Variants in NPAS3 observed in about 807,000 individuals in gnomAD.
NPAS3 encodes the protein neuronal PAS domain-containing protein 3.
Under a neutral mutation model 73.1 loss-of-function variants are expected in NPAS3, and 14 were observed. The ratio of observed to expected loss-of-function variants is 0.19; its 90% CI spans 0.13 to 0.30. NPAS3 has a LOEUF of 0.30. Ranked by LOEUF, NPAS3 falls within the 10% of genes least tolerant of loss-of-function variation. NPAS3 has a pLI of 1.00. For synonymous variants in NPAS3, 620 were observed against 541.5 expected, an observed-to-expected ratio of 1.14 and a Z score of -2.01; for missense variants, 1,096 against 1,250.0, an observed-to-expected ratio of 0.88 and a Z score of 1.86.
At chr14:33,177,902 A>G (rs1319745269) in intron 2 of NPAS3, among the ~76,000 whole-genome samples, 1 of 152,116 alleles carries the variant, frequency 6.6e-6, no homozygotes, top group Non-Finnish European at 1.5e-5. Flanking sequence ...TGATGATTGT[A>G]CCTTTGGTGT....
chr14:33,648,731 A>AGTGGTCGTTT (rs2058906149), intron 5 of NPAS3, among the ~76,000 whole-genome samples: 1 of 152,180 alleles, frequency 6.6e-6, no homozygotes, highest in Non-Finnish European at 1.5e-5. Flanking sequence ...TGGGTATGGG[A>AGTGGTCGTTT]AGACAGCCTG....
intron 2 of NPAS3, among the ~76,000 whole-genome samples, chr14:33,132,410 G>A (rs558995804): frequency 6.6e-6 from 1 of 152,248 alleles, no homozygotes; most frequent in South Asian, 2.1e-4. Context: ...CTTGTAGGAA[G>A]AGACTAGAAG....
At chr14:33,569,976 A>T (rs1431308338) in intron 5 of NPAS3, among the ~76,000 whole-genome samples, 2 of 152,166 alleles carry the variant, frequency 1.3e-5, no homozygotes, top group Non-Finnish European at 2.9e-5. Flanking sequence ...AAGGCTAAAA[A>T]CCTGCCAGAT....
intron 4 of NPAS3, among the ~76,000 whole-genome samples, chr14:33,430,692 C>G (rs1230686665): frequency 6.6e-6 from 1 of 152,186 alleles, no homozygotes; most frequent in East Asian, 1.9e-4. Context: ...CGTGAGTGCC[C>G]AGGGAAGGTT....
At chr14:33,106,866 C>G (rs193154120) in intron 2 of NPAS3, among the ~76,000 whole-genome samples, 5 of 152,212 alleles carry the variant, frequency 3.3e-5, no homozygotes, top group Middle Eastern at 6.8e-3. Flanking sequence ...ATGGATTTCT[C>G]CCTTAACACT....
chr14:33,077,998 G>A (rs1386602370), intron 2 of NPAS3, among the ~76,000 whole-genome samples: 2 of 151,688 alleles, frequency 1.3e-5, no homozygotes, highest in African/African-American at 4.8e-5. Context: ...AATTAGTTGG[G>A]CGTGGTGGCG....
At chr14:33,435,648 A>G (rs993363893) in intron 4 of NPAS3, among the ~76,000 whole-genome samples, 5 of 152,224 alleles carry the variant, frequency 3.3e-5, no homozygotes, top group Non-Finnish European at 5.9e-5. Flanking sequence ...TCCAAGTTCT[A>G]GGCAATGGCT....
chr14:33,569,287 G>T (rs1320874605), intron 5 of NPAS3, among the ~76,000 whole-genome samples: 2 of 152,130 alleles, frequency 1.3e-5, no homozygotes, highest in African/African-American at 4.8e-5. Flanking sequence ...AACTTTTTGA[G>T]AGCAAGAGAA....
chr14:33,298,457 T>C (rs148894294), intron 3 of NPAS3, among the ~76,000 whole-genome samples: 5 of 152,318 alleles, frequency 3.3e-5, no homozygotes, highest in African/African-American at 9.6e-5. Context: ...CTTTAGAGAC[T>C]CCTCTTTGTG....
rs147089711 is a variant in NPAS3 at position 33,732,866 on chromosome 14, G to A, written c.734-2348G>A. Among the ~76,000 whole-genome samples the A allele has an allele frequency of 4.7e-4, 71 of 152,296 alleles. 1 individual carries two copies. In the East Asian group the frequency reaches 5.0e-3, roughly 11 times the overall value. On this transcript the variant is annotated intron_variant, in intron 6 of 11. Coordinates refer to ENST00000356141, the Ensembl canonical transcript of NPAS3. ...TGCCGTGATTGGCTCCACAGCTCAC[G>A]TGAAGCTTGTGTCTTCACCCAGCTG...
chr14:33,731,893 CT>C (rs1437668394), intron 6 of NPAS3, among the ~76,000 whole-genome samples: 1 of 151,034 alleles, frequency 6.6e-6, no homozygotes, highest in African/African-American at 2.4e-5. Flanking sequence ...AGGTCTTGTT[CT>C]TTTTTTCAGC....
intron 5 of NPAS3, among the ~76,000 whole-genome samples, chr14:33,564,364 C>T (rs563519271): frequency 3.9e-5 from 6 of 152,230 alleles, no homozygotes; most frequent in African/African-American, 1.2e-4. Context: ...GAAGAGCTAA[C>T]CTGTAGATTA....
intron 6 of NPAS3, among the ~76,000 whole-genome samples, chr14:33,723,464 G>C (rs1193828889): frequency 3.3e-5 from 5 of 152,084 alleles, no homozygotes. Flanking sequence ...ATTTTATTCA[G>C]CAAGGTTAAT....
At chr14:33,271,608 T>G (rs564155348) in intron 3 of NPAS3, among the ~76,000 whole-genome samples, 2 of 152,240 alleles carry the variant, frequency 1.3e-5, no homozygotes, top group South Asian at 4.1e-4. Flanking sequence ...CCACCAATGC[T>G]AATAATGTAG....
At chr14:33,041,178 T>G (rs187215222) in intron 1 of NPAS3, among the ~76,000 whole-genome samples, 80 of 152,308 alleles carry the variant, frequency 5.3e-4, no homozygotes, top group African/African-American at 1.7e-3. Flanking sequence ...ATTTAAAATT[T>G]AATACATATT....
intron 4 of NPAS3, among the ~76,000 whole-genome samples, chr14:33,513,868 T>C (rs1595063516): frequency 6.6e-6 from 1 of 152,020 alleles, no homozygotes; most frequent in Admixed American, 6.6e-5. Context: ...ATGTATTTTT[T>C]CCCCATGGGG....
chr14:33,086,158 T>C (rs2042019001), intron 2 of NPAS3, among the ~76,000 whole-genome samples: 1 of 152,198 alleles, frequency 6.6e-6, no homozygotes, highest in African/African-American at 2.4e-5. Flanking sequence ...TTAATGGGCA[T>C]TGGAAGCTTT....
At chr14:33,426,179 G>A (rs775636929) in intron 4 of NPAS3, among the ~76,000 whole-genome samples, 4 of 152,074 alleles carry the variant, frequency 2.6e-5, no homozygotes, top group Non-Finnish European at 4.4e-5. Context: ...GAAAGGAGAT[G>A]AGAGTGCAAG....
intron 7 of NPAS3, among the ~76,000 whole-genome samples, chr14:33,772,998 C>A (rs527562488): frequency 6.6e-6 from 1 of 152,322 alleles, no homozygotes; most frequent in Admixed American, 6.5e-5. Flanking sequence ...GCAGCTAGAA[C>A]TCTGAAGGGC....
Sources: gnomAD v4.1 joint callset for allele counts (sites outside exome capture counted in the v4.1 genomes callset) on GRCh38, gnomAD v4.1.1 for gene constraint, MANE v1.5 for transcripts, NCBI Gene and HGNC (gene_info 2026-07-23, HGNC 2026-07-21) for gene names.